The following POT1 variants were observed in gnomAD, a reference collection of about 807,000 sequenced individuals.
The protein encoded by POT1 is protection of telomeres protein 1.
Under a neutral mutation model 78.5 loss-of-function variants are expected in POT1, and 47 were observed. The ratio of observed to expected loss-of-function variants is 0.60; its 90% CI spans 0.47 to 0.76. The LOEUF (loss-of-function observed/expected upper bound fraction) is 0.76, where lower values mean the gene tolerates loss of function less well. Among genes scored for constraint, POT1 ranks in the 30% least tolerant of loss-of-function variants. The pLI is 0.00. For synonymous variants in POT1, 259 were observed against 260.7 expected (o/e 0.99, Z 0.06); for missense variants, 646 against 749.9 (o/e 0.86, Z 1.62).
chr7:124,901,513 C>G (rs1796619010), intron 3 of POT1, among the ~76,000 whole-genome samples: 1 of 152,118 alleles, frequency 6.6e-6, no homozygotes. Context: ...ACACCAAAAA[C>G]CCATCTGTAG....
At chr7:124,853,168 A>G (rs1330800391) in intron 9 of POT1, 30 bp from the exon 10 acceptor site, 12 of 1,491,298 alleles carry the variant, frequency 8.0e-6, no homozygotes, top group South Asian at 1.2e-5. Flanking sequence ...TTATTTAGAA[A>G]GTGGGGAAAA....
chr7:124,885,150 G>A (rs181187446), intron 6 of POT1, among the ~76,000 whole-genome samples: 2 of 152,198 alleles, frequency 1.3e-5, no homozygotes, highest in East Asian at 1.9e-4. Context: ...TATCATTGAT[G>A]AGTCATTATC....
intron 3 of POT1, among the ~76,000 whole-genome samples, chr7:124,899,483 T>C (rs10252039): frequency 0.62 from 94,391 of 151,368 alleles, 29,796 homozygotes; most frequent in African/African-American, 0.73. Flanking sequence ...GATTTTATAT[T>C]TCTCCGAAAC....
intron 6 of POT1, among the ~76,000 whole-genome samples, chr7:124,888,435 G>A (rs755231481): frequency 6.6e-6 from 1 of 151,926 alleles, no homozygotes; most frequent in Non-Finnish European, 1.5e-5. Context: ...GGATTCTTTT[G>A]GCTATTCAGG....
At chr7:124,864,496 T>G (rs934508979) in intron 7 of POT1, among the ~76,000 whole-genome samples, 11 of 152,226 alleles carry the variant, frequency 7.2e-5, no homozygotes, top group Admixed American at 2.0e-4. Context: ...CTTTTTTGCT[T>G]CTTTGCTTTT....
chr7:124,846,186 C>T (rs987408875), intron 12 of POT1, among the ~76,000 whole-genome samples: 3 of 152,058 alleles, frequency 2.0e-5, no homozygotes, highest in Middle Eastern at 3.4e-3. Flanking sequence ...CACACACACC[C>T]CTATAATATA....
At chr7:124,878,562 G>A (rs541218549) in intron 6 of POT1, among the ~76,000 whole-genome samples, 6 of 151,942 alleles carry the variant, frequency 3.9e-5, no homozygotes, top group South Asian at 2.1e-4. Flanking sequence ...ATGTATACAC[G>A]TATCTAAACA....
At chr7:124,909,820 A>G (rs938465202) in intron 3 of POT1, among the ~76,000 whole-genome samples, 1 of 151,922 alleles carries the variant, frequency 6.6e-6, no homozygotes, top group Non-Finnish European at 1.5e-5. Context: ...AATTCATAGC[A>G]TAACCCTTTT....
intron 5 of POT1, among the ~76,000 whole-genome samples, chr7:124,896,326 G>A (rs561309649): frequency 1.3e-5 from 2 of 151,652 alleles, no homozygotes; most frequent in Non-Finnish European, 3.0e-5. Context: ...CAGGTTCGCA[G>A]ATATATCAAA....
chr7:124,846,240 C>T lies in POT1; in HGVS notation c.1006+702G>A, dbSNP rs151233078. Among the ~76,000 whole-genome samples the T allele has an allele frequency of 3.9e-3, 599 of 152,132 alleles. 3 individuals are homozygous for T. Among genetic ancestry groups the T allele is most frequent in the African/African-American group, 0.014 (570 of 41,490 alleles). On this transcript the variant is annotated intron_variant, in intron 12 of 18. Coordinates refer to ENST00000357628, the MANE Select transcript of POT1 (RefSeq NM_015450.3). ...TGAATATATGCGTATCATACATACA[C>T]ACAGCTACATCGACTTCTGTATTTA... is the stretch of plus-strand genomic sequence containing the variant.
At position 124,842,938 on chromosome 7, in the gene POT1, C is replaced by T. The variant is rs1490433224; in HGVS notation, c.1032G>A (p.Glu344=). Residue 344 remains glutamate, a synonymous_variant, in exon 13 of 19, where the codon GAG becomes GAA. Coordinates refer to ENST00000357628, the MANE Select transcript of POT1 (RefSeq NM_015450.3). ...TCAAAATGGCACATAGTGGTGTCCT[C>T]TCCAAATACTGATGATCTGTAAGTA... ...ATILTDHQYL[E]RTPLCAILKQ... 5.0e-6 allele frequency: 8 copies of T among 1,588,530 alleles called. No individual in the cohort carries two copies. The highest frequency in any genetic ancestry group is 2.3e-5 in the East Asian group (1 of 44,182).
In POT1 at chr7:124,877,168, A is replaced by C. The variant is rs781752233; in HGVS notation, c.125-6127T>G. 2.6e-5 allele frequency among the ~76,000 whole-genome samples: 4 copies of C among 152,360 alleles called. No individual in the cohort carries two copies. In the East Asian group the frequency reaches 7.7e-4, roughly 29 times the overall value. On this transcript the variant is annotated intron_variant, in intron 6 of 18. Transcript: ENST00000357628. ...AACAAGTTACCAATGCAAGACTGTG[A>C]AGCAGATTAACATCAGACTTTTCTA...
In POT1 at chr7:124,825,310, G is replaced by T; in HGVS notation, c.1734C>A (p.Asp578Glu). 11 of 1,610,442 alleles carry T rather than the reference G, an allele frequency of 6.8e-6. No individual in the cohort carries two copies. Among genetic ancestry groups the T allele is most frequent in the Non-Finnish European group, 9.3e-6 (11 of 1,178,334 alleles). Reference sequence around the variant, plus strand: ...TGATCATATCCACACTTTTCTGAAGGTCATCATCCATCAGAACTTCTGATG... The same window carrying T: ...TGATCATATCCACACTTTTCTGAAGTTCATCATCCATCAGAACTTCTGATG... ...IPASEVLMDDDLQKSVDMIMD... is the reference protein window; with the variant it reads ...IPASEVLMDDELQKSVDMIMD... Residue 578 changes from aspartate to glutamate, a missense_variant, in exon 18 of 19, where the codon GAC (aspartate) becomes GAA (glutamate). Asp to Glu is a conservative substitution (Grantham distance 45). This residue lies in a region of POT1 where 394 missense variants were observed against 408.4 expected (regional missense o/e 0.96). Coordinates refer to ENST00000357628, the MANE Select transcript of POT1 (RefSeq NM_015450.3).
chr7:124,838,528 T>C (rs1418703979), intron 14 of POT1, among the ~76,000 whole-genome samples: 2 of 151,816 alleles, frequency 1.3e-5, no homozygotes, highest in East Asian at 1.9e-4. Context: ...AAGATCTACA[T>C]AGAAAGATAG....
At chr7:124,860,254 CTACAG>C (rs1378050068) in intron 8 of POT1, among the ~76,000 whole-genome samples, 2 of 151,852 alleles carry the variant, frequency 1.3e-5, no homozygotes, top group African/African-American at 4.8e-5. Flanking sequence ...GTAAATGAAA[CTACAG>C]TAATCACTAA....
rs899823981 is a variant in POT1 at position 124,924,194 on chromosome 7, T to C, written c.-227+4621A>G. On this transcript the variant is annotated intron_variant, in intron 2 of 18. Transcript: ENST00000357628. ...ACCCAAAGGATCAATGAAAAAAAAG[T>C]TGGTTATTTAAAGAGAGAAACAAAA... Among the ~76,000 whole-genome samples the C allele has an allele frequency of 5.7e-5, 8 of 139,886 alleles. No individual in the cohort carries two copies. In the East Asian group the frequency reaches 1.7e-3, roughly 29 times the overall value. 91.8% of individuals were successfully genotyped at this position (139,886 alleles called of 152,430 possible). A position where few individuals can be genotyped will look rare whatever the true frequency, so the allele number is the denominator to read the frequency against.
intron 13 of POT1, among the ~76,000 whole-genome samples, chr7:124,841,658 C>T (rs4728011): frequency 0.4 from 60,547 of 151,690 alleles, 12,210 homozygotes; most frequent in East Asian, 0.5. Flanking sequence ...TGGTTAGGTA[C>T]CATGTAGCAG....
intron 6 of POT1, among the ~76,000 whole-genome samples, chr7:124,877,932 C>T (rs995375862): frequency 3.3e-5 from 5 of 149,582 alleles, no homozygotes; most frequent in African/African-American, 1.2e-4. Flanking sequence ...ACGGAGCTTC[C>T]TTCTTTTTTC....
In POT1 at chr7:124,851,955, T is replaced by A; in HGVS notation, c.870-4A>T. 1.3e-6 allele frequency: 2 copies of A among 1,584,754 alleles called. No homozygotes were observed. Among genetic ancestry groups the A allele is most frequent in the Non-Finnish European group, 1.7e-6 (2 of 1,154,750 alleles). On this transcript the variant is annotated splice_region_variant and splice_polypyrimidine_tract_variant and intron_variant, in intron 10 of 18. Transcript: ENST00000357628. The stretch of plus-strand genomic sequence containing the variant: ...CAAATTTGCAGATTCTAAATCCCTA[T>A]AATTGAAAGAATACAATTTCAAATT...
Sources: allele counts gnomAD v4.1 joint callset (sites outside exome capture counted in the v4.1 genomes callset), GRCh38; gene constraint gnomAD v4.1.1; regional missense constraint gnomAD v4.1.1; transcripts MANE v1.5; gene names NCBI Gene and HGNC (gene_info 2026-07-23, HGNC 2026-07-21).